KIRREL3: variants seen among roughly 807,000 people sequenced by gnomAD.
The protein encoded by KIRREL3 is kin of IRRE-like protein 3.
A neutral mutation model predicts 89.7 loss-of-function variants in KIRREL3; 36 were observed. That is an observed-to-expected ratio of 0.40 (90% CI 0.31 to 0.53). The LOEUF is 0.53. Ranked by LOEUF, KIRREL3 falls within the 20% of genes least tolerant of loss-of-function variation. The probability of loss-of-function intolerance (pLI) is 0.49; values close to 1 mark genes in which losing one functional copy is unlikely to be tolerated. For missense variants in KIRREL3, 864 were observed against 1,056.6 expected, an observed-to-expected ratio of 0.82 and a Z score of 2.53; for synonymous variants, 445 against 441.4, an observed-to-expected ratio of 1.01 and a Z score of -0.10.
At position 126,805,484 on chromosome 11, in the gene KIRREL3, A is replaced by G. The variant is rs1313308289; in HGVS notation, c.55+194971T>C. On this transcript the variant is annotated intron_variant, in intron 1 of 16. Coordinates refer to ENST00000525144, the MANE Select transcript of KIRREL3 (RefSeq NM_032531.4). This position sits in a 1 kb window ranked among gnomAD's most constrained non-coding sequence, Gnocchi z 4.3. ...CTCATCTGGTTTTGTTCTGAACCCC[A>G]AGGTTCAGTCAGGTGCGCTGTCCCA... 6.6e-6 allele frequency among the ~76,000 whole-genome samples: 1 copy of G among 152,200 alleles called. No homozygotes were observed. The highest frequency in any genetic ancestry group is 1.5e-5 in the Non-Finnish European group (1 of 68,032).
At chr11:126,881,472 A>G (rs573350729) in intron 1 of KIRREL3, among the ~76,000 whole-genome samples, 117 of 152,340 alleles carry the variant, frequency 7.7e-4, no homozygotes, top group Admixed American at 2.9e-3. Flanking sequence ...TCACCAACAT[A>G]GGAAGTCCCA....
At chr11:126,839,494 A>G (rs988156449) in intron 1 of KIRREL3, among the ~76,000 whole-genome samples, 2 of 152,234 alleles carry the variant, frequency 1.3e-5, no homozygotes, top group African/African-American at 2.4e-5. Context: ...ATGTGTATCA[A>G]TGCAGGAAAT....
chr11:126,929,957 C>T (rs34867739), intron 1 of KIRREL3, among the ~76,000 whole-genome samples: 5 of 151,060 alleles, frequency 3.3e-5, no homozygotes, highest in East Asian at 1.9e-4. Context: ...CACCCCCCCC[C>T]CCCCACCTCA....
chr11:126,792,341 T>C (rs1234542414), intron 1 of KIRREL3, among the ~76,000 whole-genome samples: 1 of 152,208 alleles, frequency 6.6e-6, no homozygotes, highest in Non-Finnish European at 1.5e-5. Flanking sequence ...CTTTATGAGA[T>C]AGGTCCTATT....
chr11:126,544,662 T>C lies in KIRREL3; in HGVS notation c.134-17975A>G, dbSNP rs1487792586. 6.6e-6 allele frequency among the ~76,000 whole-genome samples: 1 copy of C among 152,138 alleles called. No individual in the cohort carries two copies. Among genetic ancestry groups the C allele is most frequent in the Admixed American group, 6.5e-5 (1 of 15,278 alleles). ...ACAGCAAATGGGCCCTGTCATTTAT[T>C]TACTCCCTCCACGGGGCTGCTTTTT... On this transcript the variant is annotated intron_variant, in intron 2 of 16. Transcript: ENST00000525144. The surrounding 1 kb of genome is among the most constrained non-coding windows in gnomAD (Gnocchi z 5.6).
chr11:126,589,132 T>G (rs1419914232), intron 1 of KIRREL3, among the ~76,000 whole-genome samples: 3 of 152,242 alleles, frequency 2.0e-5, no homozygotes, highest in Non-Finnish European at 4.4e-5. Flanking sequence ...CTGGAGCCGC[T>G]GCCTCTCCAG....
In KIRREL3 at chr11:126,990,229, C is replaced by A. The variant is rs1949991114; in HGVS notation, c.55+10226G>T. Among the ~76,000 whole-genome samples, 1 of 152,144 alleles carries A rather than the reference C, an allele frequency of 6.6e-6. No individual in the cohort carries two copies. Among genetic ancestry groups the A allele is most frequent in the African/African-American group, 2.4e-5 (1 of 41,444 alleles). The stretch of plus-strand genomic sequence containing the variant: ...CCGTGTGGTGGGCTGAGCTTCCTCG[C>A]TCCCTCTCTTTGAAGCTCTCTCAAG... On this transcript the variant is annotated intron_variant, in intron 1 of 16. Coordinates refer to ENST00000525144, the MANE Select transcript of KIRREL3 (RefSeq NM_032531.4). The surrounding 1 kb of genome is among the most constrained non-coding windows in gnomAD (Gnocchi z 6.3).
chr11:126,768,174 C>CATCCATCCA lies in KIRREL3; in HGVS notation c.56-205271_56-205263dup, dbSNP rs1565715430. Among the ~76,000 whole-genome samples, 234 of 64,332 alleles carry CATCCATCCA rather than the reference C, an allele frequency of 3.6e-3. 2 individuals are homozygous for CATCCATCCA. Among genetic ancestry groups the CATCCATCCA allele is most frequent in the South Asian group, 0.016 (25 of 1,574 alleles). 42.2% of individuals were successfully genotyped at this position (64,332 alleles called of 152,430 possible). A position where few individuals can be genotyped will look rare whatever the true frequency, so the allele number is the denominator to read the frequency against. ...CATCCATCCATCCATCCATCCAATCCATCCATCCATCCATCCATCCATCCA... is the reference window on the plus strand; with the variant it reads ...CATCCATCCATCCATCCATCCAATCCATCCATCCAATCCATCCATCCATCCATCCATCCA... On this transcript the variant is annotated intron_variant, in intron 1 of 16. Coordinates refer to ENST00000525144, the MANE Select transcript of KIRREL3 (RefSeq NM_032531.4). This position sits in a 1 kb window ranked among gnomAD's most constrained non-coding sequence, Gnocchi z 4.5.
chr11:126,486,015 T>C lies in KIRREL3; in HGVS notation c.434-12549A>G, dbSNP rs1957350321. 6.6e-6 allele frequency among the ~76,000 whole-genome samples: 1 copy of C among 152,196 alleles called. No individual in the cohort carries two copies. Among genetic ancestry groups the C allele is most frequent in the East Asian group, 1.9e-4 (1 of 5,188 alleles). The stretch of plus-strand genomic sequence containing the variant: ...TTAGGAAGGGTGAATGTCCTGTTTA[T>C]ATTTGGTTAAACCCTGAAAGAGGGT... On this transcript the variant is annotated intron_variant, in intron 4 of 16. Coordinates refer to ENST00000525144, the MANE Select transcript of KIRREL3 (RefSeq NM_032531.4). The surrounding 1 kb of genome is among the most constrained non-coding windows in gnomAD (Gnocchi z 6.2).
chr11:126,474,686 C>T lies in KIRREL3; in HGVS notation c.434-1220G>A, dbSNP rs1454878006. ...GGATCCTGAGTGCCAGGAAGAGGGC[C>T]ATCCGCGTCGGAGCACGGTCTCCGC... On this transcript the variant is annotated intron_variant, in intron 4 of 16. Coordinates refer to ENST00000525144, the MANE Select transcript of KIRREL3 (RefSeq NM_032531.4). The surrounding 1 kb of genome is among the most constrained non-coding windows in gnomAD (Gnocchi z 6.7). Among the ~76,000 whole-genome samples, 6 of 152,206 alleles carry T rather than the reference C, an allele frequency of 3.9e-5. No homozygotes were observed. Among genetic ancestry groups the T allele is most frequent in the Non-Finnish European group, 7.3e-5 (5 of 68,038 alleles).
rs1943169567 is a variant in KIRREL3, at chr11:126,612,388, T to G, written c.56-49476A>C. On this transcript the variant is annotated intron_variant, in intron 1 of 16. Transcript: ENST00000525144. This position sits in a 1 kb window ranked among gnomAD's most constrained non-coding sequence, Gnocchi z 4.5. ...AAATAAATGTGGTGTCAATTTGGAT[T>G]AATTTTCTTGATCTCATACTTGTGT... Among the ~76,000 whole-genome samples the G allele has an allele frequency of 6.6e-6, 1 of 152,232 alleles. No individual in the cohort carries two copies. The highest frequency in any genetic ancestry group is 1.9e-4 in the East Asian group (1 of 5,202).
At chr11:126,980,482 C>G (rs111595643) in intron 1 of KIRREL3, among the ~76,000 whole-genome samples, 2,263 of 151,942 alleles carry the variant, frequency 0.015, 49 homozygotes, top group African/African-American at 0.051. Flanking sequence ...AAATTGTGTA[C>G]CCTATGAAGA....
chr11:127,001,521 C>T (rs1398921366), upstream of KIRREL3, among the ~76,000 whole-genome samples: 1 of 152,064 alleles, frequency 6.6e-6, no homozygotes, highest in African/African-American at 2.4e-5. Context: ...CTCTAATGAG[C>T]GCTCCATCAC....
rs1216380059 is a variant in KIRREL3, at chr11:126,528,298, C to T, written c.134-1611G>A. 6.6e-6 allele frequency among the ~76,000 whole-genome samples: 1 copy of T among 152,212 alleles called. No homozygotes were observed. Among genetic ancestry groups the T allele is most frequent in the Non-Finnish European group, 1.5e-5 (1 of 68,042 alleles). On this transcript the variant is annotated intron_variant, in intron 2 of 16. Transcript: ENST00000525144. This position sits in a 1 kb window ranked among gnomAD's most constrained non-coding sequence, Gnocchi z 4.6. ...CACTGGCTGCTGCCCATCTTGGGGA[C>T]AAAAAGCCCCAGGCTTGGGCCACAC...
chr11:126,582,861 G>T (rs903932127), intron 1 of KIRREL3, among the ~76,000 whole-genome samples: 2 of 152,228 alleles, frequency 1.3e-5, no homozygotes, highest in African/African-American at 4.8e-5. Flanking sequence ...ATGCACTGAA[G>T]AAGTATTATC....
rs543536477 is a variant in KIRREL3, at chr11:126,712,563, C to G, written c.56-149651G>C. 1.1e-3 allele frequency among the ~76,000 whole-genome samples: 160 copies of G among 152,306 alleles called. 2 individuals carry two copies. The South Asian group carries it at 0.024, about 23-fold the overall frequency. On this transcript the variant is annotated intron_variant, in intron 1 of 16. Transcript: ENST00000525144. Reference sequence around the variant, plus strand: ...AGAAAATGGAGGTCTATATTGCCACCTCATTCTCCGGGTGCGGGAAACTTT... The same window carrying G: ...AGAAAATGGAGGTCTATATTGCCACGTCATTCTCCGGGTGCGGGAAACTTT...
chr11:126,648,564 A>G (rs528041371), intron 1 of KIRREL3, among the ~76,000 whole-genome samples: 93 of 152,290 alleles, frequency 6.1e-4, no homozygotes, highest in African/African-American at 2.2e-3. Context: ...GACATGATTC[A>G]TCTTTATTTG....
In KIRREL3 at chr11:126,994,645, A is replaced by G. The variant is rs1950126561; in HGVS notation, c.55+5810T>C. ...CAGAATACTCATTTTTACCACTGGG[A>G]GAGGAGAAAAAGAATTAAAAAGCAT... is the stretch of plus-strand genomic sequence containing the variant. On this transcript the variant is annotated intron_variant, in intron 1 of 16. Coordinates refer to ENST00000525144, the MANE Select transcript of KIRREL3 (RefSeq NM_032531.4). This position sits in a 1 kb window ranked among gnomAD's most constrained non-coding sequence, Gnocchi z 5.2. 6.6e-6 allele frequency among the ~76,000 whole-genome samples: 1 copy of G among 152,202 alleles called. No individual in the cohort carries two copies. The highest frequency in any genetic ancestry group is 2.4e-5 in the African/African-American group (1 of 41,454).
At chr11:126,646,015 A>G (rs1184797435) in intron 1 of KIRREL3, among the ~76,000 whole-genome samples, 1 of 152,254 alleles carries the variant, frequency 6.6e-6, no homozygotes, top group Non-Finnish European at 1.5e-5. Context: ...ATGATTCTTC[A>G]TGAGTTACCA....
Sources: allele counts gnomAD v4.1 joint callset (sites outside exome capture counted in the v4.1 genomes callset), GRCh38; gene constraint gnomAD v4.1.1; non-coding constraint Gnocchi (gnomAD v3.1); transcripts MANE v1.5; gene names NCBI Gene and HGNC (gene_info 2026-07-23, HGNC 2026-07-21).